The following STK32C variants were observed in gnomAD, a reference collection of about 807,000 sequenced individuals.
STK32C encodes the protein serine/threonine-protein kinase 32C.
In STK32C, 31 loss-of-function variants were observed where a neutral mutation model predicts 56.5. That is an observed-to-expected ratio of 0.55 (90% CI 0.41 to 0.74). The LOEUF (loss-of-function observed/expected upper bound fraction) is 0.74, where lower values mean the gene tolerates loss of function less well. Ranked by LOEUF, STK32C falls within the 30% of genes least tolerant of loss-of-function variation. STK32C has a pLI of 0.00. For synonymous variants in STK32C, 309 were observed against 289.4 expected (o/e 1.07, Z -0.69); for missense variants, 544 against 676.9 (o/e 0.80, Z 2.18).
At chr10:132,331,676 G>T (rs751025552) in exon 1 of STK32C, 19 of 1,612,646 alleles carry the variant, frequency 1.2e-5, no homozygotes, top group Non-Finnish European at 1.5e-5. Context: ...TTTCTGCTCG[G>T]CTGTCCTCGA....
chr10:132,311,493 G>T (rs1413160719), upstream of STK32C, among the ~76,000 whole-genome samples: 1 of 152,246 alleles, frequency 6.6e-6, no homozygotes, highest in Non-Finnish European at 1.5e-5. The surrounding 1 kb of genome is among the most constrained non-coding windows in gnomAD (Gnocchi z 4.4). Context: ...GAGCCCACGT[G>T]TGGGGACACT....
At chr10:132,209,898 GC>G (rs2062236599) in intron 10 of STK32C, among the ~76,000 whole-genome samples, 1 of 152,216 alleles carries the variant, frequency 6.6e-6, no homozygotes, top group Admixed American at 6.5e-5. Flanking sequence ...GCCAGAGGAT[GC>G]CCACTTGTGA....
chr10:132,265,911 C>T (rs1404496011), intron 1 of STK32C, among the ~76,000 whole-genome samples: 4 of 152,294 alleles, frequency 2.6e-5, no homozygotes, highest in Non-Finnish European at 2.9e-5. Context: ...TAGGGGGTGC[C>T]GTGCACGGCC....
intron 4 of STK32C, 53 bp downstream of exon 4, chr10:132,226,742 G>T (rs1313610290): frequency 4.4e-6 from 7 of 1,588,512 alleles, no homozygotes; most frequent in Non-Finnish European, 6.0e-6. Flanking sequence ...ACCTAAGGCT[G>T]CTTCAGCCCC....
chr10:132,301,478 G>A (rs1173387457), intron 1 of STK32C, among the ~76,000 whole-genome samples: 1 of 152,204 alleles, frequency 6.6e-6, no homozygotes, highest in African/African-American at 2.4e-5. Context: ...ACACAGCTGG[G>A]AGCGCCCGTT....
chr10:132,230,684 G>C lies in STK32C; in HGVS notation c.319-2556C>G, dbSNP rs982480204. On this transcript the variant is annotated intron_variant, in intron 2 of 11. Transcript: ENST00000298630. ...GCTGCTGGGGGGGAAGCTGGCGGGG[G>C]GGGGGGGGCTGCAGAGCCCACCTCT... Among the ~76,000 whole-genome samples the C allele has an allele frequency of 2.2e-4, 32 of 145,284 alleles. 3 individuals are homozygous for C. The highest frequency in any genetic ancestry group is 6.8e-4 in the African/African-American group (27 of 39,910).
At chr10:132,261,709 G>A (rs999984300) in intron 1 of STK32C, among the ~76,000 whole-genome samples, 1 of 152,188 alleles carries the variant, frequency 6.6e-6, no homozygotes, top group Non-Finnish European at 1.5e-5. Context: ...AGGTTGCAGT[G>A]AGCCAAGATT....
intron 1 of STK32C, among the ~76,000 whole-genome samples, chr10:132,280,096 C>T (rs903521156): frequency 1.4e-5 from 2 of 148,014 alleles, no homozygotes; most frequent in African/African-American, 5.0e-5. Context: ...GGTGATCACA[C>T]CCCTGCATTC....
chr10:132,279,762 CGTGATCACGCCCCTGTACTCG>C (rs1323023285), intron 1 of STK32C, among the ~76,000 whole-genome samples: 2 of 151,354 alleles, frequency 1.3e-5, no homozygotes, highest in Admixed American at 6.6e-5. Flanking sequence ...CACTGCACTC[CGTGATCACGCCCCTGTACTCG>C]GTGATCACAC....
In STK32C at chr10:132,301,620, C is replaced by A. The variant is rs552381911; in HGVS notation, c.262+5952G>T. Among the ~76,000 whole-genome samples, 231 of 152,328 alleles carry A rather than the reference C, an allele frequency of 1.5e-3. 2 individuals are homozygous for A. Among genetic ancestry groups the A allele is most frequent in the African/African-American group, 5.3e-3 (222 of 41,576 alleles). ...CACACCAGACTACCCTGCCTCAGAT[C>A]CGGGTCAGAAGACAGATGCCGCATC... On this transcript the variant is annotated intron_variant, in intron 1 of 11. Transcript: ENST00000298630.
At chr10:132,228,650 CT>C (rs1239275814) in intron 2 of STK32C, among the ~76,000 whole-genome samples, 1 of 152,230 alleles carries the variant, frequency 6.6e-6, no homozygotes, top group Non-Finnish European at 1.5e-5. Flanking sequence ...CCCCAACATC[CT>C]TTTCCAGGGC....
At chr10:132,308,573 GGGGTGGGGCAGGGC>G (rs2066156125), upstream of STK32C, among the ~76,000 whole-genome samples, 2 of 151,948 alleles carry the variant, frequency 1.3e-5, no homozygotes, top group African/African-American at 4.8e-5. Context: ...GCCAGAGGGT[GGGGTGGGGCAGGGC>G]GGGCCTGGCT....
chr10:132,277,409 C>T (rs896581179), intron 1 of STK32C, among the ~76,000 whole-genome samples: 9 of 152,252 alleles, frequency 5.9e-5, no homozygotes, highest in African/African-American at 2.2e-4. Context: ...CCCTGAACAT[C>T]CAGAAACATG....
At chr10:132,237,444 G>A (rs2063333195) in intron 2 of STK32C, among the ~76,000 whole-genome samples, 1 of 152,262 alleles carries the variant, frequency 6.6e-6, no homozygotes, top group Admixed American at 6.5e-5. Flanking sequence ...CTATTTTAAG[G>A]CATAAAGGTG....
At position 132,255,029 on chromosome 10, in the gene STK32C, G is replaced by C. The variant is rs1370929101; in HGVS notation, c.263-9074C>G. ...CCCCACGTCCAAGTGTCCTCAGGCA[G>C]AACCAGCCCGTTCACCAATGGGAGG... is the stretch of plus-strand genomic sequence containing the variant. On this transcript the variant is annotated intron_variant, in intron 1 of 11. Transcript: ENST00000298630. The surrounding 1 kb of genome is among the most constrained non-coding windows in gnomAD (Gnocchi z 4.6). Among the ~76,000 whole-genome samples the C allele has an allele frequency of 6.6e-6, 1 of 152,156 alleles. No homozygotes were observed. Among genetic ancestry groups the C allele is most frequent in the Non-Finnish European group, 1.5e-5 (1 of 68,038 alleles).
chr10:132,212,342 T>C (rs1296581749), intron 10 of STK32C, among the ~76,000 whole-genome samples: 3 of 152,204 alleles, frequency 2.0e-5, no homozygotes, highest in African/African-American at 7.2e-5. Context: ...CTTCAGCAAA[T>C]GGTGCTAGGA....
intron 2 of STK32C, among the ~76,000 whole-genome samples, chr10:132,231,722 C>T (rs566240922): frequency 1.3e-5 from 2 of 152,322 alleles, no homozygotes; most frequent in East Asian, 1.9e-4. Flanking sequence ...TGATAAAAGA[C>T]AGAAAAGAGA....
At chr10:132,288,369 T>C (rs1564780782) in intron 1 of STK32C, among the ~76,000 whole-genome samples, 2 of 152,200 alleles carry the variant, frequency 1.3e-5, no homozygotes, top group Non-Finnish European at 2.9e-5. Context: ...TCATCAACAT[T>C]TAAAACTTCT....
intron 1 of STK32C, among the ~76,000 whole-genome samples, chr10:132,316,413 G>A (rs925116639): frequency 6.6e-6 from 1 of 152,076 alleles, no homozygotes; most frequent in Non-Finnish European, 1.5e-5. Flanking sequence ...AGAAGTCTAC[G>A]ACCAGCCTAG....
Sources: allele counts gnomAD v4.1 joint callset (sites outside exome capture counted in the v4.1 genomes callset), GRCh38; gene constraint gnomAD v4.1.1; non-coding constraint Gnocchi (gnomAD v3.1); transcripts MANE v1.5; gene names NCBI Gene and HGNC (gene_info 2026-07-23, HGNC 2026-07-21).